MKLN1: variants seen among roughly 807,000 people sequenced by gnomAD.
MKLN1 encodes muskelin.
In MKLN1, 18 loss-of-function variants were observed where a neutral mutation model predicts 99.0. That is an observed-to-expected ratio of 0.18 (90% CI 0.13 to 0.27). The LOEUF is 0.27. Ranked by LOEUF, MKLN1 falls within the 10% of genes least tolerant of loss-of-function variation. MKLN1 has a pLI of 1.00. For synonymous variants in MKLN1, 288 were observed against 293.2 expected (o/e 0.98, Z 0.18); for missense variants, 621 against 875.9 (o/e 0.71, Z 3.67).
intron 3 of MKLN1, among the ~76,000 whole-genome samples, chr7:131,273,351 AT>A (rs35922551): frequency 1 from 151,733 of 152,294 alleles, 75,594 homozygotes; most frequent in Middle Eastern, 1. Flanking sequence ...GAAAAGGTCC[AT>A]TTTTTTAGCA....
chr7:131,340,765 T>C (rs1422054460), intron 1 of MKLN1, among the ~76,000 whole-genome samples: 1 of 152,148 alleles, frequency 6.6e-6, no homozygotes, highest in African/African-American at 2.4e-5. Flanking sequence ...TTTAGTGCAG[T>C]TTTGGTTTAG....
intron 1 of MKLN1, among the ~76,000 whole-genome samples, chr7:131,135,197 A>G (rs1469354740): frequency 1.3e-5 from 2 of 152,166 alleles, no homozygotes; most frequent in Non-Finnish European, 2.9e-5. Flanking sequence ...ATCTCGGCTC[A>G]TTGCTACCTG....
At position 131,187,655 on chromosome 7, in the gene MKLN1, G is replaced by A. The variant is rs73149844; in HGVS notation, c.-296-15202G>A. Among the ~76,000 whole-genome samples the A allele has an allele frequency of 6.0e-3, 910 of 152,248 alleles. 2 individuals carry two copies. Among genetic ancestry groups the A allele is most frequent in the Non-Finnish European group, 8.4e-3 (574 of 68,026 alleles). The stretch of plus-strand genomic sequence containing the variant: ...AGTGTTTGCCAATCCTAGGCCAGGT[G>A]CGGTGACTCATGCCTGTAACCTCAG... On this transcript the variant is annotated intron_variant, in intron 2 of 7. Transcript: ENST00000416992.
At chr7:131,452,201 C>T (rs948203179) in intron 12 of MKLN1, among the ~76,000 whole-genome samples, 2 of 152,178 alleles carry the variant, frequency 1.3e-5, no homozygotes, top group African/African-American at 4.8e-5. Context: ...TGCCACTCAT[C>T]CCTCTGTAAT....
At chr7:131,244,286 A>G (rs73153420) in intron 3 of MKLN1, among the ~76,000 whole-genome samples, 10,577 of 152,168 alleles carry the variant, frequency 0.07, 430 homozygotes, top group Middle Eastern at 0.095. Flanking sequence ...TTCTGGCTTC[A>G]AATGCAATTT....
chr7:131,374,093 C>T (rs1793558633), intron 1 of MKLN1, among the ~76,000 whole-genome samples: 1 of 152,120 alleles, frequency 6.6e-6, no homozygotes, highest in South Asian at 2.1e-4. Context: ...CTCTGTGACC[C>T]TTTGACATGA....
chr7:131,438,315 AC>A (rs1028888816), intron 10 of MKLN1, among the ~76,000 whole-genome samples: 36 of 151,906 alleles, frequency 2.4e-4, no homozygotes, highest in African/African-American at 7.7e-4. Context: ...ATAACAACTT[AC>A]CCTTTTAATT....
At chr7:131,337,480 A>G (rs897638867) in intron 1 of MKLN1, among the ~76,000 whole-genome samples, 7 of 152,018 alleles carry the variant, frequency 4.6e-5, no homozygotes, top group Non-Finnish European at 4.4e-5. Flanking sequence ...ACTATGTCCA[A>G]TCTGCTTTTT....
At chr7:131,144,281 G>A (rs1795783763) in intron 2 of MKLN1, among the ~76,000 whole-genome samples, 1 of 151,700 alleles carries the variant, frequency 6.6e-6, no homozygotes. Flanking sequence ...GAGGTCAGGA[G>A]ATCGAGACCA....
chr7:131,284,806 G>A (rs1798108431), intron 3 of MKLN1, among the ~76,000 whole-genome samples: 1 of 152,138 alleles, frequency 6.6e-6, no homozygotes. Context: ...GAGCATTTGT[G>A]GCTTTTTCAA....
intron 3 of MKLN1, among the ~76,000 whole-genome samples, chr7:131,228,349 C>T (rs1797188154): frequency 6.6e-6 from 1 of 152,178 alleles, no homozygotes; most frequent in Admixed American, 6.5e-5. Context: ...AAGATCTGGG[C>T]TCAAGTGATT....
chr7:131,320,237 A>C (rs1798750176), intron 3 of MKLN1, among the ~76,000 whole-genome samples: 2 of 152,198 alleles, frequency 1.3e-5, no homozygotes, highest in Non-Finnish European at 2.9e-5. Context: ...AGATACATAG[A>C]CCAATGGAAC....
chr7:131,406,272 T>G (rs1187689229), intron 6 of MKLN1, among the ~76,000 whole-genome samples: 1 of 151,834 alleles, frequency 6.6e-6, no homozygotes, highest in Non-Finnish European at 1.5e-5. Context: ...GAGAAATATC[T>G]CCTATAAATT....
chr7:131,159,245 G>A (rs1417285176), intron 2 of MKLN1, among the ~76,000 whole-genome samples: 1 of 151,990 alleles, frequency 6.6e-6, no homozygotes, highest in East Asian at 1.9e-4. Flanking sequence ...AATAAGCAAG[G>A]GTGGGGGACA....
At chr7:131,147,051 T>C (rs12670148) in intron 2 of MKLN1, among the ~76,000 whole-genome samples, 8,890 of 152,076 alleles carry the variant, frequency 0.058, 332 homozygotes, top group East Asian at 0.23. Flanking sequence ...TTTATTTATT[T>C]ACTTTTATTA....
chr7:131,242,838 A>T, intron 3 of MKLN1: 1 of 665,892 alleles, frequency 1.5e-6, no homozygotes. Flanking sequence ...GCTAATGCCC[A>T]CAAGGTACTC....
At chr7:131,466,951 G>T (rs190006357) in intron 15 of MKLN1, among the ~76,000 whole-genome samples, 1 of 151,656 alleles carries the variant, frequency 6.6e-6, no homozygotes, top group Non-Finnish European at 1.5e-5. Context: ...ACGCACGCAG[G>T]CACCCTGAGT....
At chr7:131,415,464 T>G (rs1321105348) in intron 8 of MKLN1, among the ~76,000 whole-genome samples, 1 of 152,172 alleles carries the variant, frequency 6.6e-6, no homozygotes, top group African/African-American at 2.4e-5. Flanking sequence ...ATGGTTACAA[T>G]GTAGACACTA....
At chr7:131,281,694 T>C (rs1798054954) in intron 3 of MKLN1, among the ~76,000 whole-genome samples, 1 of 152,132 alleles carries the variant, frequency 6.6e-6, no homozygotes, top group African/African-American at 2.4e-5. Flanking sequence ...CTTTTCTTTT[T>C]TTTTTTGTTT....
Sources: allele counts gnomAD v4.1 joint callset (sites outside exome capture counted in the v4.1 genomes callset), GRCh38; gene constraint gnomAD v4.1.1; transcripts MANE v1.5; gene names NCBI Gene and HGNC (gene_info 2026-07-23, HGNC 2026-07-21).